The following RCOR3 variants were observed in gnomAD, a reference collection of about 807,000 sequenced individuals.
RCOR3 encodes REST corepressor 3.
RCOR3 carries 13 observed loss-of-function variants against 64.1 expected under a neutral mutation model. The ratio of observed to expected loss-of-function variants is 0.20; its 90% CI spans 0.13 to 0.32. The LOEUF (loss-of-function observed/expected upper bound fraction) is 0.32, where lower values mean the gene tolerates loss of function less well. Ranked by LOEUF, RCOR3 falls within the 10% of genes least tolerant of loss-of-function variation. The pLI, the probability that RCOR3 is intolerant of heterozygous loss-of-function variation, is 1.00. For synonymous variants in RCOR3, 215 were observed against 239.0 expected, an observed-to-expected ratio of 0.90 and a Z score of 0.93; for missense variants, 489 against 701.2, an observed-to-expected ratio of 0.70 and a Z score of 3.42.
At chr1:211,311,065 T>C (rs1701439613) in intron 10 of RCOR3, among the ~76,000 whole-genome samples, 1 of 152,132 alleles carries the variant, frequency 6.6e-6, no homozygotes, top group South Asian at 2.1e-4. Flanking sequence ...TTCTAAAATG[T>C]AAAAGTAGTA....
At chr1:211,281,749 A>G (rs1697843442) in intron 7 of RCOR3, among the ~76,000 whole-genome samples, 1 of 152,146 alleles carries the variant, frequency 6.6e-6, no homozygotes, top group South Asian at 2.1e-4. Flanking sequence ...CAACTCTACA[A>G]GATGTAGCTT....
intron 8 of RCOR3, among the ~76,000 whole-genome samples, chr1:211,293,164 C>A (rs1179105250): frequency 6.6e-6 from 1 of 151,018 alleles, no homozygotes; most frequent in Non-Finnish European, 1.5e-5. Context: ...CTCTGCATAC[C>A]ACTACCATCC....
chr1:211,309,232 G>C (rs555330011), intron 10 of RCOR3, among the ~76,000 whole-genome samples: 1 of 152,140 alleles, frequency 6.6e-6, no homozygotes, highest in East Asian at 1.9e-4. Context: ...CAGAATGTCT[G>C]ATAATTCAGA....
chr1:211,265,406 A>AT (rs1287791215), intron 2 of RCOR3, among the ~76,000 whole-genome samples: 4 of 152,084 alleles, frequency 2.6e-5, no homozygotes, highest in Non-Finnish European at 5.9e-5. Context: ...ATCATATATA[A>AT]TTTTTTTTGT....
chr1:211,304,063 A>T lies in RCOR3; in HGVS notation c.1018-20A>T. The T allele has an allele frequency of 6.3e-7, 1 of 1,580,520 alleles. No homozygotes were observed. Among genetic ancestry groups the T allele is most frequent in the Non-Finnish European group, 8.6e-7 (1 of 1,164,536 alleles). On this transcript the variant is annotated intron_variant, in intron 9 of 11. Coordinates refer to ENST00000419091, the MANE Select transcript of RCOR3 (RefSeq NM_001136223.3). Reference sequence around the variant, plus strand: ...TCTGTCTTCATATCCTCATTAGGAAACTTCTCTTTAATTTTGTAGTCAAAT... The same window carrying T: ...TCTGTCTTCATATCCTCATTAGGAATCTTCTCTTTAATTTTGTAGTCAAAT...
At chr1:211,269,554 G>C (rs539758330) in intron 2 of RCOR3, among the ~76,000 whole-genome samples, 2 of 151,868 alleles carry the variant, frequency 1.3e-5, no homozygotes, top group Admixed American at 6.6e-5. Flanking sequence ...CTGAGGTCAC[G>C]CCATTGCACT....
At position 211,260,148 on chromosome 1, in the gene RCOR3, C is replaced by G. The variant is rs1421130200; in HGVS notation, c.207C>G (p.Ile69Met). 3.1e-6 allele frequency: 5 copies of G among 1,612,340 alleles called. No homozygotes were observed. Among genetic ancestry groups the G allele is most frequent in the Non-Finnish European group, 3.4e-6 (4 of 1,178,920 alleles). ...TCGGAGCCGAATACCAAGCTCGGAT[C>G]CCTGAATTTGATCCAGGTAGATATA... is the stretch of plus-strand genomic sequence containing the variant. ...MRVGAEYQAR[I>M]PEFDPGATKY... Residue 69 changes from isoleucine (I) to methionine (M), a missense_variant, in exon 2 of 12, where the codon ATC (isoleucine) becomes ATG (methionine). This residue lies in a region of RCOR3 where 402 missense variants were observed against 617.0 expected (regional missense o/e 0.65). Coordinates refer to ENST00000419091, the MANE Select transcript of RCOR3 (RefSeq NM_001136223.3).
At chr1:211,293,543 C>G (rs1699497339) in intron 8 of RCOR3, among the ~76,000 whole-genome samples, 1 of 152,190 alleles carries the variant, frequency 6.6e-6, no homozygotes, top group South Asian at 2.1e-4. Context: ...GGAACACTTT[C>G]CCTAATCTTC....
intron 8 of RCOR3, among the ~76,000 whole-genome samples, chr1:211,293,644 G>A (rs6696938): frequency 0.49 from 75,041 of 151,916 alleles, 21,176 homozygotes; most frequent in East Asian, 0.62. Flanking sequence ...GTGTTTTAGC[G>A]TTTATCATAG....
At chr1:211,290,070 G>A (rs184095760) in intron 8 of RCOR3, among the ~76,000 whole-genome samples, 10 of 152,238 alleles carry the variant, frequency 6.6e-5, no homozygotes, top group Admixed American at 2.6e-4. Flanking sequence ...TCAGTTATTC[G>A]TTGCTATTAG....
Position 211,314,434 on chromosome 1 carries a change from C to T in RCOR3, c.*666C>T, listed in dbSNP as rs183966650. ...AACCACAAAGAATGTACTGAACCTA[C>T]TAACCCTTTAACATACAGTTTAGGG... On this transcript the variant is annotated 3_prime_UTR_variant, in exon 12 of 12. Coordinates refer to ENST00000419091, the MANE Select transcript of RCOR3 (RefSeq NM_001136223.3). The T allele has an allele frequency of 4.6e-5, 7 of 152,200 alleles. No homozygotes were observed. In the East Asian group the frequency reaches 1.4e-3, roughly 29 times the overall value. The allele number at this position is 152,200 out of a possible 1,614,324, so 9.4% of individuals were successfully genotyped here.
intron 2 of RCOR3, among the ~76,000 whole-genome samples, chr1:211,269,319 C>T (rs7529900): frequency 0.3 from 45,299 of 151,846 alleles, 7,049 homozygotes; most frequent in South Asian, 0.36. Context: ...CAAAGTTAGC[C>T]AAGCATGGTG....
chr1:211,281,722 G>A (rs1466481676), intron 7 of RCOR3, among the ~76,000 whole-genome samples: 1 of 152,030 alleles, frequency 6.6e-6, no homozygotes, highest in Admixed American at 6.6e-5. Flanking sequence ...TCCCAAATCT[G>A]CCTAGGAAAT....
intron 9 of RCOR3, among the ~76,000 whole-genome samples, chr1:211,297,540 T>G (rs1409188062): frequency 4.6e-5 from 7 of 152,186 alleles, no homozygotes; most frequent in Non-Finnish European, 8.8e-5. Context: ...CACATTTTAA[T>G]GCAGCTATTG....
Position 211,313,071 on chromosome 1 carries a change from G to A in RCOR3, c.1317+110G>A. The A allele has an allele frequency of 6.4e-7, 1 of 1,571,076 alleles. No homozygotes were observed. Among genetic ancestry groups the A allele is most frequent in the Middle Eastern group, 1.8e-4 (1 of 5,478 alleles). Reference sequence around the variant, plus strand: ...GGACTAGCTAAATTGAGCATGAAAGGTTGACAATACACTTCTTCAGTGGTG... The same window carrying A: ...GGACTAGCTAAATTGAGCATGAAAGATTGACAATACACTTCTTCAGTGGTG... On this transcript the variant is annotated intron_variant, in intron 11 of 11. Coordinates refer to ENST00000419091, the MANE Select transcript of RCOR3 (RefSeq NM_001136223.3). This position sits in a 1 kb window ranked among gnomAD's most constrained non-coding sequence, Gnocchi z 4.7.
Position 211,313,734 on chromosome 1 carries a change from G to T in RCOR3, c.1628G>T (p.Gly543Val). 1 of 1,614,182 alleles carries T rather than the reference G, an allele frequency of 6.2e-7. No individual in the cohort carries two copies. The highest frequency in any genetic ancestry group is 8.5e-7 in the Non-Finnish European group (1 of 1,180,028). The change falls in exon 12 of 12, where the codon GGA (glycine) becomes GTA (valine). Residue 543 changes from glycine (G) to valine (V), a missense_variant. Physicochemically the swap from Gly to Val is moderately radical, Grantham distance 109 (BLOSUM62 -3). This residue lies in a region of RCOR3 where 402 missense variants were observed against 617.0 expected (regional missense o/e 0.65). Coordinates refer to ENST00000419091, the MANE Select transcript of RCOR3 (RefSeq NM_001136223.3). The surrounding 1 kb of genome is among the most constrained non-coding windows in gnomAD (Gnocchi z 4.7). Reference sequence around the variant, plus strand: ...GGTCAACAGCCACCATCACTTATTGGAATTCAGACAGATTCACAGTCCTCA... The same window carrying T: ...GGTCAACAGCCACCATCACTTATTGTAATTCAGACAGATTCACAGTCCTCA... Reference protein sequence around the residue: ...VGGQQPPSLIGIQTDSQSSLH With the variant: ...VGGQQPPSLIVIQTDSQSSLH
chr1:211,264,242 C>G (rs1694834340), intron 2 of RCOR3, among the ~76,000 whole-genome samples: 1 of 152,130 alleles, frequency 6.6e-6, no homozygotes, highest in South Asian at 2.1e-4. Flanking sequence ...TGACCCATAG[C>G]TCTAGAAGTC....
At chr1:211,276,214 C>CATA in intron 4 of RCOR3, 43 bp from the exon 5 acceptor site, 1 of 1,574,046 alleles carries the variant, frequency 6.4e-7, no homozygotes, top group Non-Finnish European at 8.7e-7. Context: ...TGTGATGGAA[C>CATA]ATAAGTCCAT....
At position 211,315,381 on chromosome 1, in the gene RCOR3, G is replaced by A. The variant is rs1701813046; in HGVS notation, c.*1613G>A. 1 of 152,112 alleles carries A rather than the reference G, an allele frequency of 6.6e-6. No homozygotes were observed. The highest frequency in any genetic ancestry group is 1.9e-4 in the East Asian group (1 of 5,194). 9.4% of individuals were successfully genotyped at this position (152,112 alleles called of 1,614,324 possible). On this transcript the variant is annotated 3_prime_UTR_variant, in exon 12 of 12. Coordinates refer to ENST00000419091, the MANE Select transcript of RCOR3 (RefSeq NM_001136223.3). ...GTTTTAATTTTTAATTTTAGACTGT[G>A]TATTTCCATAAATACCCTACGTACT...
Sources: allele counts gnomAD v4.1 joint callset (sites outside exome capture counted in the v4.1 genomes callset), GRCh38; gene constraint gnomAD v4.1.1; regional missense constraint gnomAD v4.1.1; non-coding constraint Gnocchi (gnomAD v3.1); transcripts MANE v1.5; gene names NCBI Gene and HGNC (gene_info 2026-07-23, HGNC 2026-07-21).